The following ITPA variants were observed in gnomAD, a reference collection of about 807,000 sequenced individuals.
ITPA encodes the protein inosine triphosphatase, also known as inosine triphosphate pyrophosphatase.
A neutral mutation model predicts 29.6 loss-of-function variants in ITPA; 29 were observed. The observed-to-expected ratio is 0.98, with a 90% CI of 0.73 to 1.34. ITPA has a LOEUF of 1.34. ITPA is among the 40% of genes most tolerant of loss of function. ITPA has a pLI of 0.00. For synonymous variants in ITPA, 103 were observed against 99.3 expected, an observed-to-expected ratio of 1.04 and a Z score of -0.22; for missense variants, 241 against 251.5, an observed-to-expected ratio of 0.96 and a Z score of 0.28.
At chr20:3,205,581 T>C (rs991905030), upstream of ITPA, among the ~76,000 whole-genome samples, 1 of 152,086 alleles carries the variant, frequency 6.6e-6, no homozygotes, top group African/African-American at 2.4e-5. Context: ...GCACCTGTGA[T>C]TCCAGGTACT....
At chr20:3,206,016 A>G (rs1267611371), upstream of ITPA, among the ~76,000 whole-genome samples, 6 of 149,310 alleles carry the variant, frequency 4.0e-5, no homozygotes, top group East Asian at 9.8e-4. Flanking sequence ...AGATTGCACC[A>G]CTGCACACCA....
intron 5 of ITPA, among the ~76,000 whole-genome samples, chr20:3,218,194 T>A (rs371370264): frequency 1.3e-4 from 20 of 151,678 alleles, no homozygotes; most frequent in South Asian, 4.2e-4. Context: ...CTGGGATTAC[T>A]GGCATGAGCC....
At chr20:3,222,358 G>A (rs2067487231) in intron 7 of ITPA, among the ~76,000 whole-genome samples, 1 of 151,782 alleles carries the variant, frequency 6.6e-6, no homozygotes, top group African/African-American at 2.4e-5. Context: ...TTACAGGCAC[G>A]CACCACCGTG....
chr20:3,216,157 G>GTTTTT (rs71331043), intron 5 of ITPA, among the ~76,000 whole-genome samples: 5 of 109,276 alleles, frequency 4.6e-5, no homozygotes, highest in African/African-American at 3.8e-5. Flanking sequence ...CGCTGGCTAA[G>GTTTTT]TTTTTTTTTT....
chr20:3,213,061 T>A (rs956112270), intron 1 of ITPA, 108 bp from the exon 2 acceptor site: 1 of 1,200,394 alleles, frequency 8.3e-7, no homozygotes, highest in Admixed American at 1.7e-5. Context: ...TTGGTAAGCT[T>A]TAGGAGATGG....
At chr20:3,219,977 C>T (rs944724045) in intron 6 of ITPA, among the ~76,000 whole-genome samples, 1 of 138,024 alleles carries the variant, frequency 7.2e-6, no homozygotes, top group Non-Finnish European at 1.5e-5. Flanking sequence ...CGGAGTTTGA[C>T]GGGACAGTGA....
chr20:3,213,375 G>T lies in ITPA; in HGVS notation c.181G>T (p.Val61Phe). 10 of 1,614,022 alleles carry T rather than the reference G, an allele frequency of 6.2e-6. No individual in the cohort carries two copies. The highest frequency in any genetic ancestry group is 8.5e-6 in the Non-Finnish European group (10 of 1,180,036). Reference sequence around the variant, plus strand: ...TTCCATACAGAAATGTCAGGAGGCAGTTCGCCAGGTGCTTGCCCTGCCCTT... The same window carrying T: ...TTCCATACAGAAATGTCAGGAGGCATTTCGCCAGGTGCTTGCCCTGCCCTT... ...EISIQKCQEAVRQVQGPVLVE... is the reference protein window; with the variant it reads ...EISIQKCQEAFRQVQGPVLVE... Residue 61 changes from valine to phenylalanine, a missense_variant, in exon 3 of 8, where the codon GTT (valine) becomes TTT (phenylalanine). Physicochemically the swap from Val to Phe is conservative, Grantham distance 50 (BLOSUM62 -1). Coordinates refer to ENST00000380113, the MANE Select transcript of ITPA (RefSeq NM_033453.4).
chr20:3,226,427 C>T (rs986637483), downstream of ITPA, among the ~76,000 whole-genome samples: 4 of 152,210 alleles, frequency 2.6e-5, no homozygotes, highest in African/African-American at 9.6e-5. The surrounding 1 kb of genome is among the most constrained non-coding windows in gnomAD (Gnocchi z 4.4). Context: ...GGAGAGCATG[C>T]TCATACCCAC....
At position 3,223,734 on chromosome 20, in the gene ITPA, T is replaced by G. The variant is rs2067527102; in HGVS notation, c.*272T>G. 1.9e-6 allele frequency: 1 copy of G among 539,204 alleles called. No individual in the cohort carries two copies. The highest frequency in any genetic ancestry group is 3.4e-6 in the Non-Finnish European group (1 of 298,420). 33.4% of individuals were successfully genotyped at this position (539,204 alleles called of 1,614,324 possible). A position where few individuals can be genotyped will look rare whatever the true frequency, so the allele number is the denominator to read the frequency against. Reference sequence around the variant, plus strand: ...CTGAAAGGACCTTGGGTGGTAAAGCTGTACTTGGTGGGAGTGAGGGCGTGG... The same window carrying G: ...CTGAAAGGACCTTGGGTGGTAAAGCGGTACTTGGTGGGAGTGAGGGCGTGG... On this transcript the variant is annotated 3_prime_UTR_variant, in exon 8 of 8. Transcript: ENST00000380113.
At position 3,220,369 on chromosome 20, in the gene ITPA, C is replaced by T. The variant is rs554594614; in HGVS notation, c.412-1472C>T. On this transcript the variant is annotated intron_variant, in intron 6 of 7. Coordinates refer to ENST00000380113, the MANE Select transcript of ITPA (RefSeq NM_033453.4). ...CAAGCAATTCTCCTGCCTCAGCCTG[C>T]CGAGTAGCTGGGATTATAGGCGTGA... is the stretch of plus-strand genomic sequence containing the variant. Among the ~76,000 whole-genome samples the T allele has an allele frequency of 3.3e-5, 5 of 152,196 alleles. No individual in the cohort carries two copies. The East Asian group carries it at 9.6e-4, about 29-fold the overall frequency.
intron 5 of ITPA, among the ~76,000 whole-genome samples, chr20:3,218,053 A>G (rs921295831): frequency 4.6e-5 from 7 of 151,990 alleles, no homozygotes; most frequent in East Asian, 1.9e-4. Context: ...GAGCAGCTGG[A>G]GCTACAGGCA....
intron 1 of ITPA, among the ~76,000 whole-genome samples, chr20:3,211,838 A>G (rs2067182839): frequency 6.6e-6 from 1 of 152,160 alleles, no homozygotes; most frequent in Non-Finnish European, 1.5e-5. Flanking sequence ...GACTGAGGAA[A>G]CCTATGGAAT....
chr20:3,215,760 A>G (rs1006672806), intron 5 of ITPA, among the ~76,000 whole-genome samples: 1 of 152,086 alleles, frequency 6.6e-6, no homozygotes, highest in Non-Finnish European at 1.5e-5. Context: ...ATCTCGACTC[A>G]CTGCAACCTC....
intron 5 of ITPA, among the ~76,000 whole-genome samples, chr20:3,218,048 G>A (rs2067354783): frequency 6.6e-6 from 1 of 152,074 alleles, no homozygotes; most frequent in Non-Finnish European, 1.5e-5. Flanking sequence ...CTCCCGAGCA[G>A]CTGGAGCTAC....
At chr20:3,221,997 T>G (rs1159879773) in intron 7 of ITPA, 80 bp downstream of exon 7, 1 of 1,349,850 alleles carries the variant, frequency 7.4e-7, no homozygotes, top group Non-Finnish European at 1.1e-6. Context: ...CCCGCCCAAG[T>G]GCAGGCATGC....
At chr20:3,218,845 T>C in intron 6 of ITPA, 1 of 620,384 alleles carries the variant, frequency 1.6e-6, no homozygotes, top group Non-Finnish European at 2.9e-6. Context: ...GCCAGAGTAG[T>C]TGCCTACGCC....
Position 3,223,295 on chromosome 20 carries a change from A to T in ITPA, c.489-71A>T, listed in dbSNP as rs528295759. The T allele has an allele frequency of 3.6e-6, 4 of 1,101,064 alleles. No homozygotes were observed. In the South Asian group the frequency reaches 3.9e-5, roughly 11 times the overall value. The allele number at this position is 1,101,064 out of a possible 1,614,324, so 68.2% of individuals were successfully genotyped here. ...AGCTTTGGTCTCCAGGGATGAGATG[A>T]GGTAGGGTTGGGAGGGGGTGCACTT... On this transcript the variant is annotated intron_variant, in intron 7 of 7. Transcript: ENST00000380113.
At chr20:3,217,699 G>A (rs181261014) in intron 5 of ITPA, among the ~76,000 whole-genome samples, 1 of 152,202 alleles carries the variant, frequency 6.6e-6, no homozygotes, top group African/African-American at 2.4e-5. Context: ...AAACTCCTGA[G>A]CTCAAGCAAC....
At chr20:3,210,974 C>T (rs1025444171) in intron 1 of ITPA, among the ~76,000 whole-genome samples, 1 of 151,266 alleles carries the variant, frequency 6.6e-6, no homozygotes, top group African/African-American at 2.4e-5. Flanking sequence ...TCGCTTGAAC[C>T]TAGGAAGCGG....
Sources: gnomAD v4.1 joint callset for allele counts (sites outside exome capture counted in the v4.1 genomes callset) on GRCh38, gnomAD v4.1.1 for gene constraint, Gnocchi (gnomAD v3.1) non-coding constraint, MANE v1.5 for transcripts, NCBI Gene and HGNC (gene_info 2026-07-23, HGNC 2026-07-21) for gene names.